The following LPO variants were observed in gnomAD, a reference collection of about 807,000 sequenced individuals.
The protein encoded by LPO is lactoperoxidase.
LPO carries 70 observed loss-of-function variants against 68.4 expected under a neutral mutation model. The observed-to-expected ratio is 1.02, with a 90% CI of 0.84 to 1.25. The LOEUF is 1.25. Ranked by LOEUF, LPO falls within the 50% of genes most tolerant of loss-of-function variation. LPO has a pLI of 0.00. For missense variants in LPO, 873 were observed against 908.4 expected (o/e 0.96, Z 0.50); for synonymous variants, 360 against 357.6 (o/e 1.01, Z -0.08).
chr17:58,241,124 T>C (rs1035685237), intron 1 of LPO, among the ~76,000 whole-genome samples: 14 of 143,194 alleles, frequency 9.8e-5, no homozygotes, highest in Admixed American at 6.8e-5. Context: ...TTTTCTTTTT[T>C]CTTTTTTTTT....
chr17:58,260,447 G>A (rs1970155830), intron 9 of LPO, among the ~76,000 whole-genome samples: 1 of 152,154 alleles, frequency 6.6e-6, no homozygotes, highest in South Asian at 2.1e-4. Flanking sequence ...CGCATGGTAA[G>A]AAAGCAGGCA....
chr17:58,266,636 A>T (rs556982816), intron 11 of LPO, among the ~76,000 whole-genome samples: 10 of 151,112 alleles, frequency 6.6e-5, no homozygotes, highest in East Asian at 1.9e-4. Flanking sequence ...TTTTTTTTTT[A>T]AATATAGACA....
intron 12 of LPO, 100 bp downstream of exon 12, chr17:58,267,686 T>C (rs1187731771): frequency 6.9e-7 from 1 of 1,458,114 alleles, no homozygotes; most frequent in Non-Finnish European, 9.5e-7. Context: ...TCAGTGTGAG[T>C]AGGGCTTTTC....
intron 9 of LPO, among the ~76,000 whole-genome samples, chr17:58,259,964 C>T (rs986440875): frequency 2.6e-5 from 4 of 151,996 alleles, no homozygotes; most frequent in East Asian, 1.9e-4. Context: ...TACAGGCGCC[C>T]GCCACCATGC....
chr17:58,267,417 C>T lies in LPO; in HGVS notation c.1762C>T (p.Leu588=). ...PQTLEELNTV[L]KSKMLAKKLL... ...GACACTAGAGGAGTTGAACACAGTG[C>T]TGAAGAGCAAGATGCTGGCCAAGAA... The change falls in exon 12 of 13, where the codon CTG becomes TTG. Residue 588 remains leucine, a synonymous_variant. Transcript: ENST00000262290. 3 of 1,614,244 alleles carry T rather than the reference C, an allele frequency of 1.9e-6. No individual in the cohort carries two copies. The highest frequency in any genetic ancestry group is 2.5e-6 in the Non-Finnish European group (3 of 1,180,052).
At chr17:58,252,588 C>T in intron 8 of LPO, 82 bp downstream of exon 8, 1 of 1,384,854 alleles carries the variant, frequency 7.2e-7, no homozygotes, top group Non-Finnish European at 9.7e-7. Context: ...TTCTTGTCAT[C>T]TTTCTGGAAA....
At chr17:58,251,915 T>C (rs1445796311) in intron 7 of LPO, 2 of 705,382 alleles carry the variant, frequency 2.8e-6, no homozygotes, top group Admixed American at 1.8e-5. Context: ...AGCTCAATAC[T>C]CCCTCCTCAC....
chr17:58,267,378 C>G lies in LPO; in HGVS notation c.1723C>G (p.Leu575Val). The G allele has an allele frequency of 6.2e-7, 1 of 1,614,182 alleles. No homozygotes were observed. Among genetic ancestry groups the G allele is most frequent in the Non-Finnish European group, 8.5e-7 (1 of 1,180,018 alleles). ...CAATTCCTGGAGAGCCTTCTGTGAC[C>G]TCTCACAGCCGCAGACACTAGAGGA... ...GYNSWRAFCD[L>V]SQPQTLEELN... The change falls in exon 12 of 13, where the codon CTC becomes GTC. Residue 575 changes from leucine to valine, a missense_variant. Physicochemically the swap from Leu to Val is conservative, Grantham distance 32. Transcript: ENST00000262290.
At chr17:58,239,916 T>C (rs2240263) in intron 1 of LPO, among the ~76,000 whole-genome samples, 74,232 of 152,080 alleles carry the variant, frequency 0.49, 20,753 homozygotes, top group African/African-American at 0.78. Flanking sequence ...AGATGCTGAA[T>C]TTCTCTGCTC....
In LPO at chr17:58,249,197, G is replaced by A. The variant is rs753205985; in HGVS notation, c.443+20G>A. On this transcript the variant is annotated intron_variant, in intron 5 of 12. Transcript: ENST00000262290. ...TAACAGGTGGCGGGGCTTGGGGTGT[G>A]GGGGCCGACCATTCCAGCCACTCCG... is the stretch of plus-strand genomic sequence containing the variant. 17 of 1,600,824 alleles carry A rather than the reference G, an allele frequency of 1.1e-5. No individual in the cohort carries two copies. The highest frequency in any genetic ancestry group is 2.7e-5 in the African/African-American group (2 of 74,714).
At chr17:58,239,347 A>G (rs1969713869) in intron 1 of LPO, among the ~76,000 whole-genome samples, 1 of 151,242 alleles carries the variant, frequency 6.6e-6, no homozygotes, top group South Asian at 2.1e-4. Flanking sequence ...TGTGACCTGT[A>G]TGCAGCGGTA....
chr17:58,264,481 A>G (rs1245533366), intron 9 of LPO, among the ~76,000 whole-genome samples: 1 of 152,242 alleles, frequency 6.6e-6, no homozygotes, highest in Non-Finnish European at 1.5e-5. Flanking sequence ...CCAAATTCAA[A>G]TGACTGATTA....
chr17:58,256,112 G>T (rs907145375), intron 9 of LPO, among the ~76,000 whole-genome samples: 9 of 152,124 alleles, frequency 5.9e-5, no homozygotes, highest in African/African-American at 1.9e-4. Flanking sequence ...ATGTATCCGA[G>T]ATGGGCTTTT....
intron 9 of LPO, among the ~76,000 whole-genome samples, chr17:58,255,579 A>G (rs1233023821): frequency 6.6e-6 from 1 of 152,210 alleles, no homozygotes; most frequent in Non-Finnish European, 1.5e-5. Flanking sequence ...CAGAGAAGGT[A>G]GCTGGAGGCG....
chr17:58,254,156 G>GATAT (rs535794728), intron 8 of LPO, among the ~76,000 whole-genome samples: 3,130 of 148,366 alleles, frequency 0.021, 40 homozygotes, highest in Middle Eastern at 0.032. Context: ...TAGATATATA[G>GATAT]ATAGATAGAT....
Position 58,266,303 on chromosome 17 carries a change from G to A in LPO, c.1670G>A (p.Arg557His), listed in dbSNP as rs550607244. The A allele has an allele frequency of 9.2e-5, 149 of 1,614,098 alleles. 1 individual carries two copies. In the South Asian group the frequency reaches 1.3e-3, roughly 14 times the overall value. The change falls in exon 11 of 13, where the codon CGT (arginine) becomes CAT (histidine). Residue 557 changes from arginine to histidine, a missense_variant. Transcript: ENST00000262290. ...GFDLAAINTQ[R>H]CRDHGQPGYN... ...GACCTGGCTGCCATCAACACACAGC[G>A]TTGCCGGGACCATGGGCAACCTGGT...
At chr17:58,250,361 T>G in intron 6 of LPO, 54 bp from the exon 7 acceptor site, 1 of 1,403,764 alleles carries the variant, frequency 7.1e-7, no homozygotes, top group African/African-American at 1.4e-5. Context: ...TGCATCTGAA[T>G]CCTCAAAGCA....
chr17:58,254,843 G>A lies in LPO; in HGVS notation c.1138G>A (p.Ala380Thr). ...TCGAGCCTCAGAGCATATTCTGCTGGCCACATCCCACACCCTCTTTCTCCG... is the reference window on the plus strand; with the variant it reads ...TCGAGCCTCAGAGCATATTCTGCTGACCACATCCCACACCCTCTTTCTCCG... The part of the protein sequence containing the change: ...DSRASEHILL[A>T]TSHTLFLREH... The change falls in exon 9 of 13, where the codon GCC becomes ACC. Residue 380 changes from alanine (A) to threonine (T), a missense_variant. Ala to Thr is a moderately conservative substitution (Grantham distance 58). Transcript: ENST00000262290. 2 of 1,614,034 alleles carry A rather than the reference G, an allele frequency of 1.2e-6. No individual in the cohort carries two copies. Among genetic ancestry groups the A allele is most frequent in the African/African-American group, 1.3e-5 (1 of 75,000 alleles).
At chr17:58,257,517 T>TGGCC (rs1970094885) in intron 9 of LPO, among the ~76,000 whole-genome samples, 1 of 152,240 alleles carries the variant, frequency 6.6e-6, no homozygotes, top group South Asian at 2.1e-4. Context: ...TGTATATGTA[T>TGGCC]CACATTTTCT....
Sources: allele counts gnomAD v4.1 joint callset (sites outside exome capture counted in the v4.1 genomes callset), GRCh38; gene constraint gnomAD v4.1.1; transcripts MANE v1.5; gene names NCBI Gene and HGNC (gene_info 2026-07-23, HGNC 2026-07-21).